Variants in SYT12 observed in about 807,000 individuals in gnomAD.
The protein encoded by SYT12 is synaptotagmin 12.
A neutral mutation model predicts 39.5 loss-of-function variants in SYT12; 27 were observed. The ratio of observed to expected loss-of-function variants is 0.68; its 90% CI spans 0.50 to 0.94. The LOEUF (loss-of-function observed/expected upper bound fraction) is 0.94. Ranked by LOEUF, SYT12 falls within the 40% of genes least tolerant of loss-of-function variation. The pLI is 0.00. For missense variants in SYT12, 536 were observed against 572.6 expected (o/e 0.94, Z 0.65); for synonymous variants, 233 against 239.7 (o/e 0.97, Z 0.26).
upstream of SYT12, among the ~76,000 whole-genome samples, chr11:67,018,840 G>T (rs546955785): frequency 1.5e-3 from 223 of 151,954 alleles, 3 homozygotes; most frequent in Non-Finnish European, 1.9e-3. Context: ...AAAAGAAAAA[G>T]AAAACAAAAG....
chr11:67,009,260 C>T (rs1311928312), intron 1 of SYT12, among the ~76,000 whole-genome samples: 1 of 152,170 alleles, frequency 6.6e-6, no homozygotes, highest in African/African-American at 2.4e-5. Flanking sequence ...CATGCCTTGG[C>T]CTCCTGAAGT....
Position 67,049,377 on chromosome 11 carries a change from A to C in SYT12, c.*620A>C, listed in dbSNP as rs779398008. The C allele has an allele frequency of 6.6e-6, 1 of 152,214 alleles. No homozygotes were observed. Among genetic ancestry groups the C allele is most frequent in the Non-Finnish European group, 1.5e-5 (1 of 68,054 alleles). 9.4% of individuals were successfully genotyped at this position (152,214 alleles called of 1,614,324 possible). A position where few individuals can be genotyped will look rare whatever the true frequency, so the allele number is the denominator to read the frequency against. On this transcript the variant is annotated 3_prime_UTR_variant, in exon 8 of 8. Coordinates refer to ENST00000527043, the MANE Select transcript of SYT12 (RefSeq NM_177963.4). ...TCAGCCCACTGCAGTGGATACAAGG[A>C]AGGGCCTTTCTCGGGGCCGGAGAAG... is the stretch of plus-strand genomic sequence containing the variant.
At chr11:67,013,961 C>T (rs542405453) in intron 3 of SYT12, among the ~76,000 whole-genome samples, 1 of 152,200 alleles carries the variant, frequency 6.6e-6, no homozygotes, top group Non-Finnish European at 1.5e-5. Context: ...CTGCCAGCAA[C>T]CCTTGATATT....
chr11:67,010,308 C>T (rs1950004600), intron 2 of SYT12, among the ~76,000 whole-genome samples: 1 of 152,228 alleles, frequency 6.6e-6, no homozygotes, highest in Admixed American at 6.5e-5. Flanking sequence ...CCCAGACTCC[C>T]TCATGGTGAG....
intron 3 of SYT12, among the ~76,000 whole-genome samples, chr11:67,011,492 C>G (rs899110044): frequency 2.0e-5 from 3 of 151,634 alleles, no homozygotes; most frequent in African/African-American, 7.3e-5. Flanking sequence ...ATCCGCCCGC[C>G]TGGGCCTCCC....
intron 1 of SYT12, chr11:67,028,415 C>T (rs1270686404): frequency 1.3e-5 from 2 of 152,184 alleles, no homozygotes; most frequent in Admixed American, 6.5e-5. Flanking sequence ...AACTGGAAGC[C>T]AGGAGCTGGC....
At chr11:67,042,501 C>T (rs1034140849) in intron 4 of SYT12, among the ~76,000 whole-genome samples, 11 of 152,128 alleles carry the variant, frequency 7.2e-5, no homozygotes, top group African/African-American at 2.4e-4. Context: ...ATGAGGAAAC[C>T]GAGGCTCGGG....
intron 6 of SYT12, among the ~76,000 whole-genome samples, chr11:67,044,955 G>A (rs969137148): frequency 6.6e-6 from 1 of 152,122 alleles, no homozygotes; most frequent in Admixed American, 6.6e-5. Context: ...GCAGAGTGAA[G>A]GGGGTCAGAG....
chr11:67,023,911 C>A (rs1313887577), intron 1 of SYT12, among the ~76,000 whole-genome samples: 1 of 152,240 alleles, frequency 6.6e-6, no homozygotes, highest in African/African-American at 2.4e-5. Context: ...GGGAACGTTG[C>A]ACCCCAGCCC....
In SYT12 at chr11:67,048,117, A is replaced by G. The variant is rs374377534; in HGVS notation, c.1093-467A>G. Reference sequence around the variant, plus strand: ...AAACCCCCATCTCTACTAAAAATACAAAAATTAGCCGGGCATGGTGGCAGG... The same window carrying G: ...AAACCCCCATCTCTACTAAAAATACGAAAATTAGCCGGGCATGGTGGCAGG... On this transcript the variant is annotated intron_variant, in intron 7 of 7. Coordinates refer to ENST00000527043, the MANE Select transcript of SYT12 (RefSeq NM_177963.4). 9.9e-5 allele frequency among the ~76,000 whole-genome samples: 15 copies of G among 151,406 alleles called. No homozygotes were observed. The East Asian group carries it at 1.4e-3, about 14-fold the overall frequency.
chr11:67,014,247 G>A (rs1950035967), intron 3 of SYT12, among the ~76,000 whole-genome samples: 1 of 152,210 alleles, frequency 6.6e-6, no homozygotes, highest in African/African-American at 2.4e-5. Flanking sequence ...TCAACTTGCT[G>A]CAACCATCCC....
chr11:67,023,872 G>A (rs781774004), intron 1 of SYT12, among the ~76,000 whole-genome samples: 6 of 152,220 alleles, frequency 3.9e-5, no homozygotes, highest in Non-Finnish European at 7.3e-5. Context: ...CAGGAGCGCT[G>A]GGTCTGCAGG....
chr11:67,046,553 C>T (rs1006111717), intron 7 of SYT12, among the ~76,000 whole-genome samples: 2 of 152,224 alleles, frequency 1.3e-5, no homozygotes, highest in Non-Finnish European at 2.9e-5. Flanking sequence ...CCGGGGACCC[C>T]GCCAGCATGT....
chr11:67,036,684 C>T (rs1293068318), intron 3 of SYT12, among the ~76,000 whole-genome samples: 1 of 152,116 alleles, frequency 6.6e-6, no homozygotes, highest in East Asian at 1.9e-4. Context: ...GCCCGTAATC[C>T]CAGCACTTTG....
intron 7 of SYT12, among the ~76,000 whole-genome samples, chr11:67,047,310 C>T (rs1442838707): frequency 1.4e-5 from 1 of 73,530 alleles, no homozygotes; most frequent in African/African-American, 5.6e-5. Flanking sequence ...GCTCTGTCAC[C>T]CAGGCTGGAG....
chr11:67,012,065 G>A (rs1425567621), intron 3 of SYT12, among the ~76,000 whole-genome samples: 1 of 150,290 alleles, frequency 6.7e-6, no homozygotes, highest in African/African-American at 2.4e-5. Flanking sequence ...GCCCGGGCCA[G>A]GTCTTGGTTG....
intron 3 of SYT12, chr11:67,011,061 G>C (rs1330535340): frequency 2.0e-5 from 3 of 152,030 alleles, no homozygotes; most frequent in African/African-American, 7.3e-5. Context: ...ATTTGTGCAC[G>C]GTCAATATTA....
At chr11:67,048,421 G>A (rs1293969177) in intron 7 of SYT12, among the ~76,000 whole-genome samples, 163 bp from the exon 8 acceptor site, 1 of 152,150 alleles carries the variant, frequency 6.6e-6, no homozygotes, top group Admixed American at 6.5e-5. Flanking sequence ...TATTTGCTGA[G>A]TGACCTGGGG....
intron 1 of SYT12, among the ~76,000 whole-genome samples, chr11:67,024,384 A>G (rs1198216949): frequency 6.6e-6 from 1 of 152,196 alleles, no homozygotes; most frequent in Admixed American, 6.5e-5. Flanking sequence ...CAAGTCCCCA[A>G]GCCCCCAGCC....
Sources: gnomAD v4.1 joint callset for allele counts (sites outside exome capture counted in the v4.1 genomes callset) on GRCh38, gnomAD v4.1.1 for gene constraint, MANE v1.5 for transcripts, NCBI Gene and HGNC (gene_info 2026-07-23, HGNC 2026-07-21) for gene names.